IQSEC3: variants seen among roughly 807,000 people sequenced by gnomAD.
IQSEC3 encodes the protein IQ motif and Sec7 domain ArfGEF 3.
A neutral mutation model predicts 105.4 loss-of-function variants in IQSEC3; 50 were observed. That is an observed-to-expected ratio of 0.47 (90% CI 0.38 to 0.60). The LOEUF (loss-of-function observed/expected upper bound fraction) is 0.60, where lower values mean the gene tolerates loss of function less well. Among genes scored for constraint, IQSEC3 ranks in the 20% least tolerant of loss-of-function variants. The probability of loss-of-function intolerance (pLI) is 0.00; values close to 1 mark genes in which losing one functional copy is unlikely to be tolerated. For synonymous variants in IQSEC3, 708 were observed against 746.0 expected, an observed-to-expected ratio of 0.95 and a Z score of 0.83; for missense variants, 1,415 against 1,630.0, an observed-to-expected ratio of 0.87 and a Z score of 2.27.
intron 2 of IQSEC3, among the ~76,000 whole-genome samples, chr12:114,626 A>T (rs1233973582): frequency 6.6e-6 from 1 of 152,254 alleles, no homozygotes; most frequent in Non-Finnish European, 1.5e-5. Context: ...TTTTCTAGAC[A>T]TCAGGGCAGG....
intron 1 of IQSEC3, among the ~76,000 whole-genome samples, chr12:83,172 C>T (rs1278928430): frequency 6.6e-6 from 1 of 152,134 alleles, no homozygotes; most frequent in South Asian, 2.1e-4. Context: ...GGCAGCTGAG[C>T]GTGGCATTGT....
At chr12:102,512 CT>C (rs1177699922) in intron 2 of IQSEC3, among the ~76,000 whole-genome samples, 1 of 152,222 alleles carries the variant, frequency 6.6e-6, no homozygotes, top group Non-Finnish European at 1.5e-5. Context: ...GGCTGCTCAT[CT>C]ATCTGATCAG....
At chr12:77,671 A>G (rs1349386780) in intron 1 of IQSEC3, 2 of 361,450 alleles carry the variant, frequency 5.5e-6, no homozygotes, top group Non-Finnish European at 7.7e-6. Flanking sequence ...ACGGACTTCC[A>G]CATCTAAGAC....
chr12:94,351 A>G (rs1408420522), intron 1 of IQSEC3, among the ~76,000 whole-genome samples: 1 of 152,244 alleles, frequency 6.6e-6, no homozygotes, highest in Non-Finnish European at 1.5e-5. Flanking sequence ...TTAAGCTAAG[A>G]CATGCCCAGG....
chr12:166,881 C>A (rs1938677731), intron 11 of IQSEC3: 1 of 152,168 alleles, frequency 6.6e-6, no homozygotes, highest in Admixed American at 6.5e-5. Flanking sequence ...GGTGCATTGA[C>A]CCCACTCTGC....
At chr12:78,727 T>C (rs1260849904) in intron 1 of IQSEC3, among the ~76,000 whole-genome samples, 24 of 152,008 alleles carry the variant, frequency 1.6e-4, no homozygotes, top group Middle Eastern at 3.2e-3. Flanking sequence ...TTCCCGTTCG[T>C]AAAATAAGGA....
chr12:131,476 C>T (rs551289520), intron 3 of IQSEC3, among the ~76,000 whole-genome samples: 163 of 152,264 alleles, frequency 1.1e-3, no homozygotes, highest in African/African-American at 3.8e-3. Flanking sequence ...ATTACTGAGT[C>T]CCCAGGTCCT....
intron 1 of IQSEC3, among the ~76,000 whole-genome samples, chr12:83,257 T>C (rs1484481554): frequency 1.3e-5 from 2 of 152,158 alleles, no homozygotes; most frequent in East Asian, 3.9e-4. Context: ...TCACAAGTAT[T>C]TGTTGAGCAC....
intron 5 of IQSEC3, among the ~76,000 whole-genome samples, chr12:156,762 T>C (rs923486967): frequency 1.3e-5 from 2 of 152,190 alleles, no homozygotes; most frequent in African/African-American, 2.4e-5. Context: ...GATTTGGAGT[T>C]GGAAGATCCG....
chr12:148,067 TG>T (rs1188577613), intron 5 of IQSEC3: 1 of 152,182 alleles, frequency 6.6e-6, no homozygotes, highest in Admixed American at 6.5e-5. Flanking sequence ...ATAACACCCC[TG>T]CCCAGTAGAT....
intron 1 of IQSEC3, among the ~76,000 whole-genome samples, chr12:70,031 G>A (rs560846486): frequency 3.3e-5 from 5 of 152,368 alleles, no homozygotes; most frequent in Admixed American, 2.0e-4. Context: ...GTGCTGAAGC[G>A]GGAGGAAGAG....
intron 2 of IQSEC3, among the ~76,000 whole-genome samples, chr12:121,418 G>C (rs1376531047): frequency 2.0e-5 from 3 of 152,218 alleles, no homozygotes; most frequent in African/African-American, 4.8e-5. Context: ...AGCCACCAAA[G>C]AGAGGGTGTA....
intron 7 of IQSEC3, among the ~76,000 whole-genome samples, chr12:160,960 C>T (rs1353617593): frequency 6.6e-6 from 1 of 152,144 alleles, no homozygotes; most frequent in African/African-American, 2.4e-5. Flanking sequence ...CCACCTTGAA[C>T]TGGGGGCATC....
At chr12:140,959 C>G in intron 4 of IQSEC3, 165 bp from the exon 5 acceptor site, 1 of 643,618 alleles carries the variant, frequency 1.6e-6, no homozygotes, top group Non-Finnish European at 2.7e-6. Flanking sequence ...ACACCATCCT[C>G]TGCGTGAGGA....
At chr12:97,242 A>G (rs1295319336) in intron 1 of IQSEC3, among the ~76,000 whole-genome samples, 1 of 152,216 alleles carries the variant, frequency 6.6e-6, no homozygotes, top group Non-Finnish European at 1.5e-5. Flanking sequence ...AGCTCAGTGC[A>G]GAGTATTAAC....
chr12:97,173 A>T (rs1413380274), intron 1 of IQSEC3, among the ~76,000 whole-genome samples: 1 of 152,218 alleles, frequency 6.6e-6, no homozygotes, highest in Non-Finnish European at 1.5e-5. Context: ...GTCAACTGCT[A>T]TTCCTATGCT....
At chr12:98,865 C>T (rs1034310627) in intron 1 of IQSEC3, among the ~76,000 whole-genome samples, 3 of 152,156 alleles carry the variant, frequency 2.0e-5, no homozygotes, top group Admixed American at 6.5e-5. Flanking sequence ...GGAGGGCGTG[C>T]AGAAGTAGGA....
At position 139,204 on chromosome 12, in the gene IQSEC3, C is replaced by A. The variant is rs144289223; in HGVS notation, c.1841C>A (p.Ser614Ter). ...TKSAKSGSEA[S>*]ASASKDALQA... is the part of the protein sequence containing the mutation. The stretch of plus-strand genomic sequence containing the variant: ...TCCGCCAAGTCAGGCTCGGAGGCGT[C>A]GGCCTCCGCCTCCAAGGACGCCCTG... The change falls in exon 4 of 14, where the codon TCG (serine) becomes TAG (stop). Residue 614 changes from serine to a stop codon, truncating the protein, a stop_gained. Coordinates refer to ENST00000538872, the MANE Select transcript of IQSEC3 (RefSeq NM_001170738.2). LOFTEE classifies it high-confidence loss of function. 1 of 1,585,360 alleles carries A rather than the reference C, an allele frequency of 6.3e-7. No individual in the cohort carries two copies. Among genetic ancestry groups the A allele is most frequent in the Non-Finnish European group, 8.6e-7 (1 of 1,168,698 alleles).
At chr12:144,007 G>A (rs1267623111) in intron 5 of IQSEC3, 2 of 153,048 alleles carry the variant, frequency 1.3e-5, no homozygotes, top group Non-Finnish European at 2.9e-5. Flanking sequence ...GTTGAGTGCA[G>A]AGCTAAGCCC....
Sources: gnomAD v4.1 joint callset for allele counts (sites outside exome capture counted in the v4.1 genomes callset) on GRCh38, gnomAD v4.1.1 for gene constraint, MANE v1.5 for transcripts, NCBI Gene and HGNC (gene_info 2026-07-23, HGNC 2026-07-21) for gene names.